Variants in SCYL2 observed in about 807,000 individuals in gnomAD.
SCYL2 encodes SCY1-like protein 2.
In SCYL2, 36 loss-of-function variants were observed where a neutral mutation model predicts 100.4. The observed-to-expected ratio is 0.36, with a 90% CI of 0.27 to 0.47. The LOEUF is 0.47. Ranked by LOEUF, SCYL2 falls within the 20% of genes least tolerant of loss-of-function variation. The probability of loss-of-function intolerance (pLI) is 1.00; values close to 1 mark genes in which losing one functional copy is unlikely to be tolerated. For missense variants in SCYL2, 902 were observed against 1,083.9 expected (o/e 0.83, Z 2.36); for synonymous variants, 330 against 359.2 (o/e 0.92, Z 0.92).
Position 100,326,663 on chromosome 12 carries a change from A to T in SCYL2, c.1551A>T (p.Glu517Asp), listed in dbSNP as rs1370229722. 6.2e-7 allele frequency: 1 copy of T among 1,607,566 alleles called. No individual in the cohort carries two copies. Among genetic ancestry groups the T allele is most frequent in the Non-Finnish European group, 8.5e-7 (1 of 1,177,884 alleles). Residue 517 changes from glutamate (E) to aspartate (D), a missense_variant, in exon 12 of 18, where the codon GAA becomes GAT. Coordinates refer to ENST00000360820, the MANE Select transcript of SCYL2 (RefSeq NM_017988.6). ...NSLVCLGKIL[E>D]YLDKWFVLDD... ...TAGTGTGCTTAGGAAAGATTTTGGA[A>T]TACTTGGATAAGTGGTTTGTACTTG...
At chr12:100,289,641 T>C (rs1396745221) in intron 2 of SCYL2, among the ~76,000 whole-genome samples, 1 of 152,220 alleles carries the variant, frequency 6.6e-6, no homozygotes, top group Non-Finnish European at 1.5e-5. Context: ...ATTTTCATTT[T>C]TTATCTCATT....
At chr12:100,321,121 A>T (rs919227861) in intron 10 of SCYL2, among the ~76,000 whole-genome samples, 1 of 152,178 alleles carries the variant, frequency 6.6e-6, no homozygotes, top group African/African-American at 2.4e-5. Context: ...AATTTTATCA[A>T]TCACTTAATT....
At position 100,268,023 on chromosome 12, in the gene SCYL2, A is replaced by G. The variant is rs141451497; in HGVS notation, c.-29+231A>G. ...TACGGATGGAGGAGGGTTTAGACCG[A>G]TAAAGCTTGCAAAAACTTATTGGAC... On this transcript the variant is annotated intron_variant, in intron 1 of 17. Transcript: ENST00000360820. 4.9e-3 allele frequency among the ~76,000 whole-genome samples: 746 copies of G among 152,322 alleles called. 3 individuals are homozygous for G. The highest frequency in any genetic ancestry group is 7.9e-3 in the South Asian group (38 of 4,830).
At chr12:100,320,689 C>T (rs574854760) in intron 10 of SCYL2, among the ~76,000 whole-genome samples, 6 of 152,242 alleles carry the variant, frequency 3.9e-5, no homozygotes, top group African/African-American at 1.4e-4. Context: ...TTGTAACCTC[C>T]TGCTATGACT....
intron 3 of SCYL2, among the ~76,000 whole-genome samples, chr12:100,293,863 G>A (rs1157201634): frequency 6.6e-6 from 1 of 152,142 alleles, no homozygotes; most frequent in Non-Finnish European, 1.5e-5. Flanking sequence ...ACAGATCAAC[G>A]GGATCCCAAG....
intron 4 of SCYL2, among the ~76,000 whole-genome samples, chr12:100,305,716 GTT>G (rs144928837): frequency 0.18 from 22,698 of 126,630 alleles, 2,155 homozygotes; most frequent in Non-Finnish European, 0.21. Context: ...CTAGGAGCTG[GTT>G]TTTTTTTTTT....
chr12:100,293,467 T>C (rs1157470351), intron 3 of SCYL2, among the ~76,000 whole-genome samples: 1 of 152,162 alleles, frequency 6.6e-6, no homozygotes, highest in Admixed American at 6.5e-5. Context: ...GCGTCTCTAG[T>C]GTCACCTATT....
intron 10 of SCYL2, among the ~76,000 whole-genome samples, chr12:100,321,859 A>G (rs1380633145): frequency 2.0e-5 from 3 of 152,038 alleles, no homozygotes; most frequent in South Asian, 4.1e-4. Context: ...CCTGGGCAAC[A>G]TAGTAAGACC....
rs771442146 is a variant in SCYL2 at position 100,329,305 on chromosome 12, C to T, written c.1747C>T (p.Leu583Phe). The T allele has an allele frequency of 1.3e-6, 2 of 1,522,200 alleles. No individual in the cohort carries two copies. Among genetic ancestry groups the T allele is most frequent in the South Asian group, 2.3e-5 (2 of 88,624 alleles). 94.3% of individuals were successfully genotyped at this position (1,522,200 alleles called of 1,614,324 possible). A position where few individuals can be genotyped will look rare whatever the true frequency, so the allele number is the denominator to read the frequency against. The stretch of plus-strand genomic sequence containing the variant: ...TATTCCCCTGAGTATTGAAAACAAT[C>T]TTAATCTTAATCAGGTAGGAGTATT... ...HLIPLSIENN[L>F]NLNQFNSFIS... The change falls in exon 13 of 18, where the codon CTT becomes TTT. Residue 583 changes from leucine to phenylalanine, a missense_variant. Leu to Phe is a conservative substitution (Grantham distance 22). Transcript: ENST00000360820.
chr12:100,317,628 C>CTT, intron 9 of SCYL2, 175 bp from the exon 10 acceptor site: 1 of 1,383,198 alleles, frequency 7.2e-7, no homozygotes, highest in Non-Finnish European at 9.3e-7. Context: ...AATATTGTGC[C>CTT]TCCAGAAATG....
chr12:100,306,176 C>G (rs189248620), intron 4 of SCYL2, among the ~76,000 whole-genome samples: 1 of 152,204 alleles, frequency 6.6e-6, no homozygotes, highest in African/African-American at 2.4e-5. Flanking sequence ...ATCCTGATAC[C>G]AAAACCTGGC....
intron 3 of SCYL2, among the ~76,000 whole-genome samples, chr12:100,294,668 C>G (rs2096316088): frequency 7.2e-6 from 1 of 138,100 alleles, no homozygotes; most frequent in Admixed American, 6.9e-5. Flanking sequence ...CCCCTCACCT[C>G]CCGGACGGGG....
intron 9 of SCYL2, 42 bp downstream of exon 9, chr12:100,315,776 A>G (rs773698826): frequency 2.2e-5 from 29 of 1,312,564 alleles, no homozygotes; most frequent in Non-Finnish European, 2.8e-5. Flanking sequence ...ACTGTTATTT[A>G]TGATTGTGAC....
intron 13 of SCYL2, 24 bp from the exon 14 acceptor site, chr12:100,334,142 C>T (rs1390259669): frequency 4.7e-6 from 6 of 1,279,276 alleles, no homozygotes; most frequent in Non-Finnish European, 6.8e-6. Flanking sequence ...ACATTGTAAC[C>T]ATATCAATTT....
At chr12:100,280,370 C>A (rs1011073182) in intron 1 of SCYL2, among the ~76,000 whole-genome samples, 1 of 151,990 alleles carries the variant, frequency 6.6e-6, no homozygotes, top group African/African-American at 2.4e-5. Context: ...AATAATAAAA[C>A]CTAGTATGGG....
intron 2 of SCYL2, among the ~76,000 whole-genome samples, chr12:100,290,161 T>A (rs1357264795): frequency 6.6e-6 from 1 of 152,144 alleles, no homozygotes; most frequent in Non-Finnish European, 1.5e-5. Context: ...TATTTATTCT[T>A]TTTTTTTCTG....
In SCYL2 at chr12:100,296,969, G is replaced by A. The variant is rs567462217; in HGVS notation, c.336-1062G>A. On this transcript the variant is annotated intron_variant, in intron 3 of 17. Coordinates refer to ENST00000360820, the MANE Select transcript of SCYL2 (RefSeq NM_017988.6). ...TTTGAAAAACAGATTTAAGGCAGAA[G>A]AAAAGTTATTCAGGTATTGGAACAG... Among the ~76,000 whole-genome samples, 3 of 152,282 alleles carry A rather than the reference G, an allele frequency of 2.0e-5. No homozygotes were observed. In the East Asian group the frequency reaches 5.8e-4, roughly 29 times the overall value.
chr12:100,311,022 A>C (rs1460155338), intron 4 of SCYL2, 22 bp from the exon 5 acceptor site: 1 of 1,521,556 alleles, frequency 6.6e-7, no homozygotes, highest in African/African-American at 1.4e-5. Context: ...TTTAGTGTAA[A>C]ATGTGTTTTT....
At chr12:100,306,602 T>G (rs549059155) in intron 4 of SCYL2, among the ~76,000 whole-genome samples, 1 of 151,998 alleles carries the variant, frequency 6.6e-6, no homozygotes, top group African/African-American at 2.4e-5. Flanking sequence ...ACAAATGCCC[T>G]CTCTCACCAC....
Sources: gnomAD v4.1 joint callset for allele counts (sites outside exome capture counted in the v4.1 genomes callset) on GRCh38, gnomAD v4.1.1 for gene constraint, MANE v1.5 for transcripts, NCBI Gene and HGNC (gene_info 2026-07-23, HGNC 2026-07-21) for gene names.